The following GGT1 variants were observed in gnomAD, a reference collection of about 807,000 sequenced individuals.
GGT1 encodes the protein gamma-glutamyltransferase 1, also known as glutathione hydrolase 1 proenzyme.
A neutral mutation model predicts 56.0 loss-of-function variants in GGT1; 21 were observed. The ratio of observed to expected loss-of-function variants is 0.38; its 90% CI spans 0.27 to 0.54. GGT1 has a LOEUF of 0.54. GGT1 is among the 20% of genes least tolerant of loss of function. GGT1 has a pLI of 0.82. For synonymous variants in GGT1, 238 were observed against 342.6 expected, an observed-to-expected ratio of 0.69 and a Z score of 3.37; for missense variants, 466 against 787.0, an observed-to-expected ratio of 0.59 and a Z score of 4.88.
chr22:24,596,818 CAG>C (rs1385991940), intron 1 of GGT1, among the ~76,000 whole-genome samples: 9 of 142,346 alleles, frequency 6.3e-5, no homozygotes, highest in African/African-American at 1.8e-4. Context: ...GAGGCTGAGA[CAG>C]GGGAATCGCT....
chr22:24,600,134 G>A (rs544951903), upstream of GGT1, among the ~76,000 whole-genome samples: 1 of 152,366 alleles, frequency 6.6e-6, no homozygotes, highest in Non-Finnish European at 1.5e-5. Flanking sequence ...CAGGAGGGGG[G>A]CCCTTTGGGC....
rs760856993 is a variant in GGT1 at position 24,614,876 on chromosome 22, C to A, written c.265C>A (p.Leu89Ile). 6.2e-7 allele frequency: 1 copy of A among 1,613,466 alleles called. No homozygotes were observed. Among genetic ancestry groups the A allele is most frequent in the Non-Finnish European group, 8.5e-7 (1 of 1,179,670 alleles). The change falls in exon 6 of 16, where the codon CTC becomes ATC. Residue 89 changes from leucine to isoleucine, a missense_variant. By Grantham distance (5) the Leu-to-Ile change is conservative. This residue lies in a region of GGT1 where 456 missense variants were observed against 716.7 expected (regional missense o/e 0.64). Transcript: ENST00000400382. ...CCACAGCATGGGCATCGGGGGTGGC[C>A]TCTTCCTCACCATCTACAACAGCAC... ...NAHSMGIGGG[L>I]FLTIYNSTTR...
At chr22:24,589,514 T>C in the GGT1 span, 222 of 480,202 alleles carry the variant, frequency 4.6e-4, 2 homozygotes, top group South Asian at 7.7e-3. Context: ...AGGGTCCCCA[T>C]ATGACTTCTG....
chr22:24,593,650 G>C (rs2045637906), upstream of GGT1, among the ~76,000 whole-genome samples: 1 of 152,126 alleles, frequency 6.6e-6, no homozygotes, highest in South Asian at 2.1e-4. Flanking sequence ...AGCCGGGCGT[G>C]GTGGCGGGCG....
chr22:24,589,886 G>A (rs1459752214), upstream of GGT1: 3 of 1,613,710 alleles, frequency 1.9e-6, no homozygotes, highest in African/African-American at 1.3e-5. Flanking sequence ...GGGTCGACCG[G>A]GTTGAGGAAG....
At chr22:24,592,736 G>A (rs1374136026), upstream of GGT1, 1 of 1,299,872 alleles carries the variant, frequency 7.7e-7, no homozygotes, top group Non-Finnish European at 9.8e-7. Context: ...GCGCGCGCCA[G>A]AGACCAGCTC....
Position 24,620,878 on chromosome 22 carries a change from C to A in GGT1, c.576-35C>A, listed in dbSNP as rs776586164. The A allele has an allele frequency of 1.9e-6, 3 of 1,609,552 alleles. No individual in the cohort carries two copies. The highest frequency in any genetic ancestry group is 2.2e-5 in the East Asian group (1 of 44,862). ...AGGGGTGGTCTAGCTGAGTCCACCC[C>A]ACCTGCTGCCTCACATGAGCCCCCT... On this transcript the variant is annotated intron_variant, in intron 8 of 15. Coordinates refer to ENST00000400382, the MANE Select transcript of GGT1 (RefSeq NM_001288833.2). The surrounding 1 kb of genome is among the most constrained non-coding windows in gnomAD (Gnocchi z 5.6).
rs76305008 is a variant in GGT1, at chr22:24,595,183, G to A, written c.-324+297G>A. ...TCCCCCACCCTCTGTGTCCCTGGCCGAGAGGTTCCTGGAGGACATTTTTCC... is the reference window on the plus strand; with the variant it reads ...TCCCCCACCCTCTGTGTCCCTGGCCAAGAGGTTCCTGGAGGACATTTTTCC... On this transcript the variant is annotated intron_variant, in intron 1 of 6. Transcript: ENST00000411974. 6.1e-4 allele frequency among the ~76,000 whole-genome samples: 93 copies of A among 152,302 alleles called. No homozygotes were observed. In the East Asian group the frequency reaches 7.1e-3, roughly 12 times the overall value.
chr22:24,626,265 C>CG (rs1414051699), intron 11 of GGT1, among the ~76,000 whole-genome samples: 1 of 147,836 alleles, frequency 6.8e-6, no homozygotes. Context: ...TTACAGGCCT[C>CG]GGCCTCCCAA....
intron 1 of GGT1, among the ~76,000 whole-genome samples, chr22:24,604,007 T>C (rs2045870462): frequency 6.6e-6 from 1 of 152,064 alleles, no homozygotes; most frequent in Admixed American, 6.6e-5. Context: ...TAAATCTTAC[T>C]GAAGGGGTGT....
At position 24,627,847 on chromosome 22, in the gene GGT1, G is replaced by A. The variant is rs767977923; in HGVS notation, c.1209-5G>A. ...CGGGCACTGTCTGACCTGGCTGGGC[G>A]GTAGCTTTGGCTCCAAGGTCCGCTC... On this transcript the variant is annotated splice_polypyrimidine_tract_variant and splice_region_variant and intron_variant, in intron 12 of 15. Transcript: ENST00000400382. The A allele has an allele frequency of 2.9e-5, 47 of 1,611,734 alleles. No homozygotes were observed. The highest frequency in any genetic ancestry group is 3.5e-5 in the Non-Finnish European group (41 of 1,178,742).
At chr22:24,623,387 C>G in intron 10 of GGT1, 131 bp downstream of exon 10, 1 of 1,119,992 alleles carries the variant, frequency 8.9e-7, no homozygotes, top group Non-Finnish European at 1.3e-6. Flanking sequence ...CGAGGTGTGT[C>G]CCTGCGTCAC....
the GGT1 span, among the ~76,000 whole-genome samples, chr22:24,587,564 G>A: frequency 1.4e-4 from 21 of 152,272 alleles, no homozygotes; most frequent in Non-Finnish European, 2.5e-4. Flanking sequence ...TAAGCTCCCG[G>A]CAGCAGTTCA....
At chr22:24,593,084 C>A, upstream of GGT1, 1 of 1,034,986 alleles carries the variant, frequency 9.7e-7, no homozygotes, top group South Asian at 4.5e-5. Flanking sequence ...GCCGGGCTGT[C>A]TGCGCCCCGC....
rs774765565 is a variant in GGT1, at chr22:24,627,876, G to T, written c.1233G>T (p.Pro411=). 1 of 1,613,712 alleles carries T rather than the reference G, an allele frequency of 6.2e-7. No homozygotes were observed. Among genetic ancestry groups the T allele is most frequent in the Non-Finnish European group, 8.5e-7 (1 of 1,179,802 alleles). The part of the protein sequence containing the change: ...NLYFGSKVRS[P]VSGILFNNEM... ...GCTTTGGCTCCAAGGTCCGCTCCCC[G>T]GTCAGCGGGATCCTGTTCAATAATG... is the stretch of plus-strand genomic sequence containing the variant. The change falls in exon 13 of 16, where the codon CCG becomes CCT. Residue 411 remains proline (P), a synonymous_variant. Coordinates refer to ENST00000400382, the MANE Select transcript of GGT1 (RefSeq NM_001288833.2).
chr22:24,596,393 G>T (rs2045692272), intron 1 of GGT1, among the ~76,000 whole-genome samples: 1 of 152,202 alleles, frequency 6.6e-6, no homozygotes, highest in Non-Finnish European at 1.5e-5. Flanking sequence ...GGCCTTCCTT[G>T]GCTGCTGCTG....
chr22:24,601,479 C>T (rs1291011986), upstream of GGT1, among the ~76,000 whole-genome samples: 1 of 152,190 alleles, frequency 6.6e-6, no homozygotes, highest in Non-Finnish European at 1.5e-5. Context: ...TTGGGCAGGT[C>T]CCTTCCCCTC....
At chr22:24,599,240 CAGG>C (rs2045743722), upstream of GGT1, 1 of 151,914 alleles carries the variant, frequency 6.6e-6, no homozygotes, top group Non-Finnish European at 1.5e-5. Context: ...CAGAGGGCTT[CAGG>C]AGGAGGTGGC....
At chr22:24,618,971 C>T (rs545093299) in intron 7 of GGT1, among the ~76,000 whole-genome samples, 3 of 152,132 alleles carry the variant, frequency 2.0e-5, no homozygotes, top group Admixed American at 6.6e-5. Context: ...AACTGGAAGG[C>T]AAAACCCCTT....
Sources: allele counts gnomAD v4.1 joint callset (sites outside exome capture counted in the v4.1 genomes callset), GRCh38; gene constraint gnomAD v4.1.1; regional missense constraint gnomAD v4.1.1; non-coding constraint Gnocchi (gnomAD v3.1); transcripts MANE v1.5; gene names NCBI Gene and HGNC (gene_info 2026-07-23, HGNC 2026-07-21).